RTL4: variants seen among roughly 807,000 people sequenced by gnomAD.
The protein encoded by RTL4 is retrotransposon Gag-like protein 4.
In RTL4, 4 loss-of-function variants were observed where a neutral mutation model predicts 5.3. That is an observed-to-expected ratio of 0.75 (90% confidence interval 0.37 to 1.72). RTL4 has a LOEUF of 1.72. Ranked by LOEUF, RTL4 falls within the 40% of genes most tolerant of loss-of-function variation. RTL4 has a pLI of 0.04. For synonymous variants in RTL4, 98 were observed against 87.3 expected (o/e 1.12, Z -0.68); for missense variants, 260 against 227.1 (o/e 1.14, Z -0.93).
chrX:112,330,983 T>A, the RTL4 span, among the ~76,000 whole-genome samples: 177 of 109,708 alleles, frequency 1.6e-3, no homozygotes, highest in African/African-American at 5.6e-3. Context: ...GATCCCTTCC[T>A]TATACCTTAT....
chrX:112,093,137 C>T, the RTL4 span, among the ~76,000 whole-genome samples: 1 of 111,401 alleles, frequency 9.0e-6, no homozygotes, highest in African/African-American at 3.3e-5. Flanking sequence ...TTCATTTCCA[C>T]TACTACTCCT....
At chrX:112,122,308 G>A in the RTL4 span, among the ~76,000 whole-genome samples, 31 of 111,417 alleles carry the variant, frequency 2.8e-4, no homozygotes, top group African/African-American at 9.8e-4. Context: ...AGGTCATTAT[G>A]TTAAGTGAAG....
the RTL4 span, among the ~76,000 whole-genome samples, chrX:112,240,903 G>C: frequency 9.0e-6 from 1 of 110,584 alleles, no homozygotes; most frequent in African/African-American, 3.3e-5. Context: ...CCACCTATGA[G>C]TGAGAACATG....
At chrX:112,229,944 G>C in the RTL4 span, among the ~76,000 whole-genome samples, 1 of 112,307 alleles carries the variant, frequency 8.9e-6, no homozygotes, top group Admixed American at 9.4e-5. Context: ...CCCCTACTGC[G>C]GGGTGCCTCC....
chrX:112,205,958 G>A, the RTL4 span, among the ~76,000 whole-genome samples: 4 of 111,920 alleles, frequency 3.6e-5, no homozygotes, highest in Non-Finnish European at 7.5e-5. Flanking sequence ...TTTAAATTGC[G>A]TACACATCTT....
chrX:112,138,693 A>T, the RTL4 span, among the ~76,000 whole-genome samples: 9 of 111,656 alleles, frequency 8.1e-5, no homozygotes, highest in Non-Finnish European at 1.5e-4. Flanking sequence ...AAATTTTAGA[A>T]TCAGTTTGTC....
chrX:112,128,678 A>AAAAAAAAAG, the RTL4 span, among the ~76,000 whole-genome samples: 237 of 106,400 alleles, frequency 2.2e-3, 2 homozygotes, highest in African/African-American at 7.5e-3. Flanking sequence ...AAAAAAAAAA[A>AAAAAAAAAG]GTAAAAGAAC....
the RTL4 span, among the ~76,000 whole-genome samples, chrX:112,346,441 T>C: frequency 9.0e-6 from 1 of 111,714 alleles, no homozygotes. Context: ...ATCTTATCAA[T>C]GGACTCAAAA....
At chrX:112,239,202 C>A in the RTL4 span, among the ~76,000 whole-genome samples, 1 of 111,384 alleles carries the variant, frequency 9.0e-6, no homozygotes, top group Middle Eastern at 4.6e-3. Context: ...CAGGGCTGAG[C>A]AAGAGGGAGC....
chrX:112,151,612 C>A, the RTL4 span, among the ~76,000 whole-genome samples: 1 of 111,902 alleles, frequency 8.9e-6, no homozygotes, highest in African/African-American at 3.2e-5. Context: ...TTCACTATTT[C>A]CATTCATTAG....
At chrX:112,146,242 G>A in the RTL4 span, among the ~76,000 whole-genome samples, 1 of 111,358 alleles carries the variant, frequency 9.0e-6, no homozygotes, top group African/African-American at 3.3e-5. Context: ...ATTGGAGATG[G>A]GATGGAAGGA....
At chrX:112,276,568 A>G in the RTL4 span, among the ~76,000 whole-genome samples, 1 of 111,959 alleles carries the variant, frequency 8.9e-6, no homozygotes, top group East Asian at 2.8e-4. Flanking sequence ...CTACTCTCAG[A>G]GTGGGAAATT....
At chrX:112,189,625 G>C in the RTL4 span, among the ~76,000 whole-genome samples, 10 of 110,829 alleles carry the variant, frequency 9.0e-5, no homozygotes, top group African/African-American at 3.3e-4. Flanking sequence ...TTAGCCAGGC[G>C]TGGTGGCAGG....
chrX:112,139,343 C>A, the RTL4 span, among the ~76,000 whole-genome samples: 1 of 111,278 alleles, frequency 9.0e-6, no homozygotes, highest in Non-Finnish European at 1.9e-5. Context: ...GGAATTCAGC[C>A]AACACACAAG....
chrX:112,109,934 T>A, the RTL4 span, among the ~76,000 whole-genome samples: 1 of 111,829 alleles, frequency 8.9e-6, no homozygotes, highest in Non-Finnish European at 1.9e-5. Context: ...AAGTTGTTAG[T>A]TGAGTTCATT....
At chrX:112,185,238 G>A in the RTL4 span, among the ~76,000 whole-genome samples, 1 of 109,269 alleles carries the variant, frequency 9.2e-6, no homozygotes, top group African/African-American at 3.3e-5. Flanking sequence ...CTCTCAGTAG[G>A]GTAGTTTCCC....
At chrX:112,332,775 A>T in the RTL4 span, among the ~76,000 whole-genome samples, 1 of 110,524 alleles carries the variant, frequency 9.0e-6, no homozygotes, top group African/African-American at 3.3e-5. Flanking sequence ...GCACATGTAC[A>T]CATATGTGAC....
chrX:112,175,981 C>T, the RTL4 span, among the ~76,000 whole-genome samples: 12 of 110,438 alleles, frequency 1.1e-4, no homozygotes, highest in African/African-American at 3.0e-4. Context: ...TAGAAAACCC[C>T]ATTGTCTCAG....
chrX:112,243,565 C>T, the RTL4 span, among the ~76,000 whole-genome samples: 1 of 111,051 alleles, frequency 9.0e-6, no homozygotes. Context: ...TTTTTTATTG[C>T]ATCTATCTAA....
Sources: gnomAD v4.1 joint callset for allele counts (sites outside exome capture counted in the v4.1 genomes callset) on GRCh38, gnomAD v4.1.1 for gene constraint, MANE v1.5 for transcripts, NCBI Gene and HGNC (gene_info 2026-07-23, HGNC 2026-07-21) for gene names.